Variants in FHIT observed in about 807,000 individuals in gnomAD.
FHIT encodes the protein fragile histidine triad diadenosine triphosphatase.
A neutral mutation model predicts 17.9 loss-of-function variants in FHIT; 19 were observed. That is an observed-to-expected ratio of 1.06 (90% CI 0.74 to 1.56). The LOEUF (loss-of-function observed/expected upper bound fraction) is 1.56, where lower values mean the gene tolerates loss of function less well. Ranked by LOEUF, FHIT falls within the 40% of genes most tolerant of loss-of-function variation. FHIT has a pLI of 0.00. For synonymous variants in FHIT, 81 were observed against 69.7 expected (o/e 1.16, Z -0.81); for missense variants, 248 against 189.2 (o/e 1.31, Z -1.82).
At chr3:60,641,835 AAT>A (rs1366518684) in intron 4 of FHIT, among the ~76,000 whole-genome samples, 2 of 152,154 alleles carry the variant, frequency 1.3e-5, no homozygotes, top group Non-Finnish European at 2.9e-5. Flanking sequence ...TTTGAAGAGA[AAT>A]AAACTATTTT....
intron 5 of FHIT, among the ~76,000 whole-genome samples, chr3:60,384,385 G>A (rs745986257): frequency 1.2e-4 from 18 of 152,170 alleles, no homozygotes; most frequent in South Asian, 4.1e-4. Flanking sequence ...GAATTAAGTG[G>A]CAGCCTAATT....
chr3:60,731,001 C>T (rs7642272), intron 4 of FHIT, among the ~76,000 whole-genome samples: 90,492 of 150,472 alleles, frequency 0.6, 27,474 homozygotes, highest in East Asian at 0.82. Context: ...CGTGGTGGCA[C>T]GCGCCCGTAA....
chr3:61,178,044 GGAA>G (rs1462152976), intron 2 of FHIT, among the ~76,000 whole-genome samples: 1 of 152,184 alleles, frequency 6.6e-6, no homozygotes. Flanking sequence ...GGATGGCAAA[GGAA>G]GTTTTGTTTT....
intron 5 of FHIT, among the ~76,000 whole-genome samples, chr3:60,285,941 G>A (rs970440581): frequency 6.6e-6 from 1 of 151,976 alleles, no homozygotes; most frequent in African/African-American, 2.4e-5. Flanking sequence ...TATAACTCAC[G>A]GCTAGCCACT....
At chr3:60,536,804 T>C in intron 5 of FHIT, 56 bp downstream of exon 5, 1 of 1,531,670 alleles carries the variant, frequency 6.5e-7, no homozygotes, top group Non-Finnish European at 8.7e-7. Flanking sequence ...TTCATTTGGC[T>C]GGTTAGGCTC....
At chr3:61,244,607 G>A (rs2040443894) in intron 1 of FHIT, among the ~76,000 whole-genome samples, 1 of 152,098 alleles carries the variant, frequency 6.6e-6, no homozygotes, top group South Asian at 2.1e-4. Context: ...TAAAACCTAG[G>A]AAGAATTATC....
intron 1 of FHIT, among the ~76,000 whole-genome samples, chr3:61,213,596 A>T (rs1473579766): frequency 6.6e-6 from 1 of 152,114 alleles, no homozygotes. Flanking sequence ...AGACAGATCA[A>T]CAAGACAGAA....
chr3:60,524,738 T>C (rs184684274), intron 5 of FHIT, among the ~76,000 whole-genome samples: 1 of 152,246 alleles, frequency 6.6e-6, no homozygotes, highest in African/African-American at 2.4e-5. Context: ...TTCACGATCA[T>C]GTTGTGTCCT....
chr3:60,487,383 A>ACTTAAGTTCTTCTTAAGTT (rs1333850041), intron 5 of FHIT, among the ~76,000 whole-genome samples: 1 of 152,226 alleles, frequency 6.6e-6, no homozygotes, highest in African/African-American at 2.4e-5. Flanking sequence ...AAGTGTGATT[A>ACTTAAGTTCTTCTTAAGTT]CTGCTCAAAG....
At chr3:60,236,103 A>T (rs935460321) in intron 5 of FHIT, among the ~76,000 whole-genome samples, 2 of 151,852 alleles carry the variant, frequency 1.3e-5, no homozygotes, top group Non-Finnish European at 2.9e-5. Context: ...CTATCTTTCA[A>T]CATCCAAGTT....
chr3:60,510,872 T>C (rs1030088092), intron 5 of FHIT, among the ~76,000 whole-genome samples: 2 of 152,230 alleles, frequency 1.3e-5, no homozygotes, highest in Non-Finnish European at 2.9e-5. Context: ...TATAATGTAG[T>C]ATATGTTGTA....
At chr3:60,517,937 C>A (rs1034460826) in intron 5 of FHIT, among the ~76,000 whole-genome samples, 1 of 152,182 alleles carries the variant, frequency 6.6e-6, no homozygotes, top group African/African-American at 2.4e-5. Context: ...AAATACCATT[C>A]TTTACCTTCT....
chr3:60,391,933 C>CTTTTTTTTTTTTTTTTTT (rs1323693253), intron 5 of FHIT, among the ~76,000 whole-genome samples: 1 of 149,092 alleles, frequency 6.7e-6, no homozygotes, highest in Non-Finnish European at 1.5e-5. Flanking sequence ...TTTCTTTCTT[C>CTTTTTTTTTTTTTTTTTT]TTTTTTTCTT....
chr3:60,608,365 C>A (rs1553672043), intron 4 of FHIT, among the ~76,000 whole-genome samples: 2 of 152,154 alleles, frequency 1.3e-5, no homozygotes, highest in Non-Finnish European at 2.9e-5. Context: ...CTGGACTGTT[C>A]TCCCCTTCCA....
At chr3:59,806,682 ATGTATATACATATGTATATATG>A (rs1263566950) in intron 8 of FHIT, among the ~76,000 whole-genome samples, 1 of 7,990 alleles carries the variant, frequency 1.3e-4, no homozygotes, top group African/African-American at 4.2e-4. Context: ...GTGTATATAT[ATGTATATACATATGTATATATG>A]TGTATATACA....
chr3:60,491,549 C>A (rs2034067936), intron 5 of FHIT, among the ~76,000 whole-genome samples: 1 of 152,174 alleles, frequency 6.6e-6, no homozygotes, highest in Admixed American at 6.5e-5. Context: ...GTCAGACAAT[C>A]AATTCATATA....
intron 1 of FHIT, among the ~76,000 whole-genome samples, chr3:61,232,910 AT>A (rs1459765982): frequency 6.6e-6 from 1 of 152,256 alleles, no homozygotes; most frequent in Non-Finnish European, 1.5e-5. Context: ...AACAATGTGT[AT>A]TGTACAATAT....
intron 5 of FHIT, among the ~76,000 whole-genome samples, chr3:60,109,611 C>A (rs147867415): frequency 6.6e-6 from 1 of 152,124 alleles, no homozygotes; most frequent in African/African-American, 2.4e-5. Context: ...AAGAGAATAA[C>A]AGAAGCAAGT....
At chr3:60,921,942 T>C (rs1553768493) in intron 3 of FHIT, among the ~76,000 whole-genome samples, 1 of 152,110 alleles carries the variant, frequency 6.6e-6, no homozygotes, top group Non-Finnish European at 1.5e-5. Context: ...CTGCCCACAG[T>C]AGAAAGCATG....
Sources: gnomAD v4.1 joint callset for allele counts (sites outside exome capture counted in the v4.1 genomes callset) on GRCh38, gnomAD v4.1.1 for gene constraint, MANE v1.5 for transcripts, NCBI Gene and HGNC (gene_info 2026-07-23, HGNC 2026-07-21) for gene names.